Variants in LSM14A observed in about 807,000 individuals in gnomAD.
The protein encoded by LSM14A is LSM14A mRNA processing body assembly factor.
A neutral mutation model predicts 52.4 loss-of-function variants in LSM14A; 14 were observed. That is an observed-to-expected ratio of 0.27 (90% CI 0.18 to 0.42). The LOEUF (loss-of-function observed/expected upper bound fraction) is 0.42, where lower values mean the gene tolerates loss of function less well. Ranked by LOEUF, LSM14A falls within the 10% of genes least tolerant of loss-of-function variation. The probability of loss-of-function intolerance (pLI) is 1.00; values close to 1 mark genes in which losing one functional copy is unlikely to be tolerated. For missense variants in LSM14A, 417 were observed against 581.8 expected (o/e 0.72, Z 2.91); for synonymous variants, 185 against 200.3 (o/e 0.92, Z 0.64).
intron 1 of LSM14A, among the ~76,000 whole-genome samples, chr19:34,185,888 C>T (rs141242555): frequency 0.024 from 3,690 of 152,284 alleles, 63 homozygotes; most frequent in Non-Finnish European, 0.035. Flanking sequence ...CTTAAATATG[C>T]TGAGGTTGGG....
chr19:34,201,560 C>T (rs2071291261), intron 3 of LSM14A, among the ~76,000 whole-genome samples: 1 of 152,142 alleles, frequency 6.6e-6, no homozygotes, highest in Non-Finnish European at 1.5e-5. Flanking sequence ...TCAGGCTGGT[C>T]TCAAACTCCT....
intron 3 of LSM14A, among the ~76,000 whole-genome samples, chr19:34,207,121 T>C (rs979157523): frequency 6.6e-6 from 1 of 152,120 alleles, no homozygotes; most frequent in African/African-American, 2.4e-5. Flanking sequence ...AAAAATAATT[T>C]GGAATAGATT....
At chr19:34,208,634 G>T in intron 3 of LSM14A, 1 of 221,986 alleles carries the variant, frequency 4.5e-6, no homozygotes, top group Non-Finnish European at 8.8e-6. Flanking sequence ...AGTTGGTATG[G>T]GTCCTTGCTG....
At chr19:34,173,521 T>C (rs1214564988) in intron 1 of LSM14A, among the ~76,000 whole-genome samples, 1 of 152,192 alleles carries the variant, frequency 6.6e-6, no homozygotes, top group Non-Finnish European at 1.5e-5. Flanking sequence ...CTGATCCCTC[T>C]GGAGGCTCTC....
intron 8 of LSM14A, among the ~76,000 whole-genome samples, chr19:34,220,291 G>T (rs1036359262): frequency 6.6e-6 from 1 of 152,046 alleles, no homozygotes; most frequent in Admixed American, 6.6e-5. Context: ...TTTGCTAAAA[G>T]AAAATATATA....
intron 1 of LSM14A, among the ~76,000 whole-genome samples, chr19:34,189,479 A>T (rs573675801): frequency 3.3e-5 from 5 of 152,314 alleles, no homozygotes; most frequent in African/African-American, 1.2e-4. Context: ...ATGGGATGAA[A>T]TGCAATGACA....
At chr19:34,191,709 T>G (rs1161089393) in intron 1 of LSM14A, among the ~76,000 whole-genome samples, 20 of 152,166 alleles carry the variant, frequency 1.3e-4, no homozygotes. Context: ...TAATAGAGCT[T>G]CTCTAATTTT....
At position 34,227,790 on chromosome 19, in the gene LSM14A, T is replaced by TTGTGTGTGTGTGTGTG. The variant is rs71165635; in HGVS notation, c.*426_*441dup. 716 of 152,428 alleles carry TTGTGTGTGTGTGTGTG rather than the reference T, an allele frequency of 4.7e-3. 1 individual carries two copies. Among genetic ancestry groups the TTGTGTGTGTGTGTGTG allele is most frequent in the Middle Eastern group, 0.022 (7 of 320 alleles). The allele number at this position is 152,428 out of a possible 1,614,324, so 9.4% of individuals were successfully genotyped here. Reference sequence around the variant, plus strand: ...ATACTGTGTTTTGAGCCACAGAAGGTTGTGTGTGTGTGTGTGTGTGTGTGT... The same window carrying TTGTGTGTGTGTGTGTG: ...ATACTGTGTTTTGAGCCACAGAAGGTTGTGTGTGTGTGTGTGTGTGTGTGTGTGTGTGTGTGTGTGT... On this transcript the variant is annotated 3_prime_UTR_variant, in exon 10 of 10. Transcript: ENST00000544216.
intron 1 of LSM14A, among the ~76,000 whole-genome samples, chr19:34,177,442 T>G (rs1045449495): frequency 8.5e-5 from 13 of 152,372 alleles, no homozygotes; most frequent in African/African-American, 3.1e-4. Flanking sequence ...ATTTAGGGCT[T>G]GGATATTATA....
At chr19:34,226,591 A>G in intron 9 of LSM14A, 1 of 788,026 alleles carries the variant, frequency 1.3e-6, no homozygotes. Flanking sequence ...ACGGGGTGCA[A>G]ATGTTTTGGT....
At chr19:34,202,830 A>AT (rs926150292) in intron 3 of LSM14A, among the ~76,000 whole-genome samples, 99 of 151,548 alleles carry the variant, frequency 6.5e-4, no homozygotes, top group Middle Eastern at 3.4e-3. Flanking sequence ...AATTTTTTGT[A>AT]TTTTTTTTAG....
intron 1 of LSM14A, among the ~76,000 whole-genome samples, chr19:34,183,458 G>A (rs553233353): frequency 2.4e-4 from 36 of 152,242 alleles, no homozygotes; most frequent in Middle Eastern, 3.4e-3. Context: ...AGCTGGGGCA[G>A]GAGAATCGCT....
chr19:34,177,276 C>T (rs2069151371), intron 1 of LSM14A, among the ~76,000 whole-genome samples: 1 of 151,986 alleles, frequency 6.6e-6, no homozygotes, highest in Admixed American at 6.6e-5. Context: ...TTTAAAACAT[C>T]ATAGAGATAC....
intron 1 of LSM14A, among the ~76,000 whole-genome samples, chr19:34,186,582 C>T (rs978308840): frequency 6.6e-6 from 1 of 152,092 alleles, no homozygotes; most frequent in Admixed American, 6.5e-5. Flanking sequence ...TATTCTGTTT[C>T]TCTATAAAAC....
intron 1 of LSM14A, among the ~76,000 whole-genome samples, chr19:34,193,708 C>T (rs2070634753): frequency 6.6e-6 from 1 of 152,138 alleles, no homozygotes; most frequent in African/African-American, 2.4e-5. Flanking sequence ...AGAGGACTTA[C>T]TGCTCAGCAA....
At chr19:34,225,619 A>G (rs568058749) in intron 9 of LSM14A, among the ~76,000 whole-genome samples, 1 of 152,336 alleles carries the variant, frequency 6.6e-6, no homozygotes, top group South Asian at 2.1e-4. Flanking sequence ...CCTTAAAAGA[A>G]TCAGCCAAAC....
intron 1 of LSM14A, 64 bp downstream of exon 1, chr19:34,172,827 C>A: frequency 6.7e-7 from 1 of 1,482,042 alleles, no homozygotes; most frequent in Non-Finnish European, 8.9e-7. Context: ...GCTCCCCGCT[C>A]CGGCCCGCGG....
At chr19:34,187,032 G>T (rs2069960322) in intron 1 of LSM14A, among the ~76,000 whole-genome samples, 1 of 151,372 alleles carries the variant, frequency 6.6e-6, no homozygotes, top group South Asian at 2.1e-4. Flanking sequence ...AAGGTCAGGA[G>T]ATCGAGACCA....
In LSM14A at chr19:34,228,493, A is replaced by G. The variant is rs901668105; in HGVS notation, c.*1105A>G. On this transcript the variant is annotated 3_prime_UTR_variant, in exon 10 of 10. Coordinates refer to ENST00000544216, the MANE Select transcript of LSM14A (RefSeq NM_015578.4). ...TCATGATACCTTGACTCATTCCATC[A>G]TATTTCAAGAGGATTCAGAGTGCTA... 2.6e-5 allele frequency: 4 copies of G among 152,640 alleles called. No individual in the cohort carries two copies. Among genetic ancestry groups the G allele is most frequent in the African/African-American group, 9.6e-5 (4 of 41,454 alleles). 9.5% of individuals were successfully genotyped at this position (152,640 alleles called of 1,614,324 possible).
Sources: allele counts gnomAD v4.1 joint callset (sites outside exome capture counted in the v4.1 genomes callset), GRCh38; gene constraint gnomAD v4.1.1; transcripts MANE v1.5; gene names NCBI Gene and HGNC (gene_info 2026-07-23, HGNC 2026-07-21).